Variants in BDH1 observed in about 807,000 individuals in gnomAD.
The protein encoded by BDH1 is D-beta-hydroxybutyrate dehydrogenase, mitochondrial.
Under a neutral mutation model 33.1 loss-of-function variants are expected in BDH1, and 30 were observed. That is an observed-to-expected ratio of 0.91 (90% CI 0.68 to 1.23). BDH1 has a LOEUF of 1.23. Ranked by LOEUF, BDH1 falls within the 50% of genes most tolerant of loss-of-function variation. BDH1 has a pLI of 0.00. For synonymous variants in BDH1, 190 were observed against 183.6 expected (o/e 1.03, Z -0.28); for missense variants, 443 against 464.4 (o/e 0.95, Z 0.42).
At chr3:197,539,727 C>T (rs930089234) in intron 3 of BDH1, among the ~76,000 whole-genome samples, 5 of 151,988 alleles carry the variant, frequency 3.3e-5, no homozygotes. Flanking sequence ...GACCCAGGAA[C>T]TGACTCAGCG....
chr3:197,545,224 G>A (rs941348268), intron 3 of BDH1, among the ~76,000 whole-genome samples: 4 of 152,158 alleles, frequency 2.6e-5, no homozygotes. Flanking sequence ...TGTGGCAGCA[G>A]AGCCCACTGA....
At chr3:197,515,430 A>G in intron 6 of BDH1, 6 of 985,796 alleles carry the variant, frequency 6.1e-6, no homozygotes, top group Non-Finnish European at 7.2e-6. Flanking sequence ...GTCTCCCTGC[A>G]GACGCGCCCT....
intron 3 of BDH1, chr3:197,546,155 GT>G (rs1716060834): frequency 1.9e-6 from 1 of 518,120 alleles, no homozygotes; most frequent in South Asian, 3.3e-5. Flanking sequence ...AAAATAAGTG[GT>G]TATGAAAGAT....
chr3:197,517,290 C>A (rs551821191), intron 6 of BDH1, among the ~76,000 whole-genome samples: 1,010 of 93,224 alleles, frequency 0.011, 23 homozygotes, highest in Non-Finnish European at 0.016. Context: ...TCCATCCCCC[C>A]CTCAGGCCGA....
At chr3:197,567,936 G>C (rs1370923114) in intron 1 of BDH1, among the ~76,000 whole-genome samples, 1 of 152,154 alleles carries the variant, frequency 6.6e-6, no homozygotes, top group Non-Finnish European at 1.5e-5. Flanking sequence ...AGAGGCCCCT[G>C]ACCTGAGAGA....
upstream of BDH1, among the ~76,000 whole-genome samples, chr3:197,560,328 A>T (rs1285464046): frequency 6.6e-6 from 1 of 152,250 alleles, no homozygotes; most frequent in East Asian, 1.9e-4. Context: ...TACTGGTCCA[A>T]GCAAGCATTA....
At chr3:197,546,139 GA>G (rs60963210) in intron 3 of BDH1, 92 of 461,322 alleles carry the variant, frequency 2.0e-4, no homozygotes, top group Admixed American at 6.8e-4. Flanking sequence ...CCATCAAAAA[GA>G]AAAAAAAATA....
Position 197,511,710 on chromosome 3 carries a change from T to C in BDH1, c.*185A>G. On this transcript the variant is annotated 3_prime_UTR_variant, in exon 8 of 8. Transcript: ENST00000392379. ...CTCTGCCTGCCACTCCACACCCTGT[T>C]TGTGAAGGCCCAAGTCACTCACTAT... 1.7e-6 allele frequency: 1 copy of C among 571,814 alleles called. No individual in the cohort carries two copies. The highest frequency in any genetic ancestry group is 1.9e-5 in the African/African-American group (1 of 53,192). The allele number at this position is 571,814 out of a possible 1,614,324, so 35.4% of individuals were successfully genotyped here.
chr3:197,517,042 T>G (rs1712808335), intron 6 of BDH1, among the ~76,000 whole-genome samples: 3 of 152,074 alleles, frequency 2.0e-5, no homozygotes, highest in South Asian at 4.1e-4. Context: ...CCCCAGGCTG[T>G]TGCTGGTTTC....
rs1345051148 is a variant in BDH1, at chr3:197,523,662, A to G, written c.268-881T>C. On this transcript the variant is annotated intron_variant, in intron 5 of 7. Coordinates refer to ENST00000392379, the MANE Select transcript of BDH1 (RefSeq NM_203314.3). This position sits in a 1 kb window ranked among gnomAD's most constrained non-coding sequence, Gnocchi z 4.5. ...GATCAATCATTCAGCCCCTGTTCCC[A>G]GAGTCGTGTTCTAGGGAAGGAGACA... 6.6e-6 allele frequency among the ~76,000 whole-genome samples: 1 copy of G among 152,150 alleles called. No homozygotes were observed. The highest frequency in any genetic ancestry group is 2.4e-5 in the African/African-American group (1 of 41,422).
rs770637426 is a variant in BDH1, at chr3:197,514,371, T to G, written c.455A>C (p.Glu152Ala). ...VNNAGISTFG[E>A]VEFTSLETYK... Reference sequence around the variant, plus strand: ...GGTCTCCAGGCTGGTGAACTCCACCTCCCCGAACGTTGAGATGCCGGCATT... The same window carrying G: ...GGTCTCCAGGCTGGTGAACTCCACCGCCCCGAACGTTGAGATGCCGGCATT... Residue 152 changes from glutamate (E) to alanine (A), a missense_variant, in exon 7 of 8, where the codon GAG becomes GCG. Glu to Ala is a moderately radical substitution (Grantham distance 107). Coordinates refer to ENST00000392379, the MANE Select transcript of BDH1 (RefSeq NM_203314.3). This position sits in a 1 kb window ranked among gnomAD's most constrained non-coding sequence, Gnocchi z 4.2. The G allele has an allele frequency of 3.5e-5, 56 of 1,612,474 alleles. No homozygotes were observed. Among genetic ancestry groups the G allele is most frequent in the Non-Finnish European group, 4.7e-5 (55 of 1,179,372 alleles).
rs188415870 is a variant in BDH1 at position 197,514,145 on chromosome 3, G to A, written c.562+119C>T. 3.7e-5 allele frequency: 50 copies of A among 1,333,936 alleles called. No individual in the cohort carries two copies. In the East Asian group the frequency reaches 9.1e-4, roughly 24 times the overall value. The allele number at this position is 1,333,936 out of a possible 1,614,324, so 82.6% of individuals were successfully genotyped here. A position where few individuals can be genotyped will look rare whatever the true frequency, so the allele number is the denominator to read the frequency against. ...GCCCAGCATAGTCCCTGGGATTCAC[G>A]AGCTCACCTCTGCTGAGTTGTGGAC... is the stretch of plus-strand genomic sequence containing the variant. On this transcript the variant is annotated intron_variant, in intron 7 of 7. Coordinates refer to ENST00000392379, the MANE Select transcript of BDH1 (RefSeq NM_203314.3). The surrounding 1 kb of genome is among the most constrained non-coding windows in gnomAD (Gnocchi z 4.2).
In BDH1 at chr3:197,546,194, A is replaced by C. The variant is rs544070736; in HGVS notation, c.83+167T>G. 6.4e-6 allele frequency: 4 copies of C among 622,964 alleles called. No homozygotes were observed. In the South Asian group the frequency reaches 9.1e-5, roughly 14 times the overall value. The allele number at this position is 622,964 out of a possible 1,614,324, so 38.6% of individuals were successfully genotyped here. ...TCCTTTCTGCCCTGTGTGCCCTGGG[A>C]AAATGTCTTCCCAGGACACCTCTGA... is the stretch of plus-strand genomic sequence containing the variant. On this transcript the variant is annotated intron_variant, in intron 3 of 7. Transcript: ENST00000392379.
chr3:197,528,554 T>A lies in BDH1; in HGVS notation c.267+3858A>T, dbSNP rs1438043844. On this transcript the variant is annotated intron_variant, in intron 5 of 7. Coordinates refer to ENST00000392379, the MANE Select transcript of BDH1 (RefSeq NM_203314.3). This position sits in a 1 kb window ranked among gnomAD's most constrained non-coding sequence, Gnocchi z 5.1. ...AATCGGGCTAGAAGCAAATTCCCCCTTTCAACCCCCACGGTGCCTTATCCA... is the reference window on the plus strand; with the variant it reads ...AATCGGGCTAGAAGCAAATTCCCCCATTCAACCCCCACGGTGCCTTATCCA... 2.0e-5 allele frequency: 3 copies of A among 152,238 alleles called. No individual in the cohort carries two copies. Among genetic ancestry groups the A allele is most frequent in the Non-Finnish European group, 4.4e-5 (3 of 68,060 alleles). The allele number at this position is 152,238 out of a possible 1,614,324, so 9.4% of individuals were successfully genotyped here.
chr3:197,533,616 C>G (rs1359070616), intron 3 of BDH1, 55 bp from the exon 4 acceptor site: 1 of 1,565,672 alleles, frequency 6.4e-7, no homozygotes, highest in Non-Finnish European at 8.8e-7. Context: ...GACCCTCAGC[C>G]ACACTGGCCT....
chr3:197,512,713 T>G lies in BDH1; in HGVS notation c.563-349A>C, dbSNP rs572489068. Among the ~76,000 whole-genome samples, 3 of 152,334 alleles carry G rather than the reference T, an allele frequency of 2.0e-5. No individual in the cohort carries two copies. In the South Asian group the frequency reaches 6.2e-4, roughly 32 times the overall value. On this transcript the variant is annotated intron_variant, in intron 7 of 7. Transcript: ENST00000392379. ...AGAAGTGGGAGGCGAGACAGCTGTC[T>G]GTGTGGATCTGAGCTTTCACTATAG...
Position 197,569,560 on chromosome 3 carries a change from A to G in BDH1, c.-44+3621T>C, listed in dbSNP as rs189660065. ...TGGGGGAAAATTGAATCATGAGGGT[A>G]GTTTCCCCCATACTTTTCTCGTGGT... On this transcript the variant is annotated intron_variant, in intron 1 of 6. Transcript: ENST00000358186. Among the ~76,000 whole-genome samples, 7 of 152,306 alleles carry G rather than the reference A, an allele frequency of 4.6e-5. No homozygotes were observed. In the East Asian group the frequency reaches 1.4e-3, roughly 29 times the overall value.
At chr3:197,557,200 G>A (rs1717090169), upstream of BDH1, among the ~76,000 whole-genome samples, 1 of 152,170 alleles carries the variant, frequency 6.6e-6, no homozygotes, top group Non-Finnish European at 1.5e-5. The surrounding 1 kb of genome is among the most constrained non-coding windows in gnomAD (Gnocchi z 4.6). Context: ...TCCCTAAAAT[G>A]TATAAAACCG....
chr3:197,556,087 G>A (rs1717014527), upstream of BDH1: 1 of 152,228 alleles, frequency 6.6e-6, no homozygotes, highest in Admixed American at 6.5e-5. Flanking sequence ...CGCCCAAGGT[G>A]CCCTGATCGC....
Sources: allele counts gnomAD v4.1 joint callset (sites outside exome capture counted in the v4.1 genomes callset), GRCh38; gene constraint gnomAD v4.1.1; non-coding constraint Gnocchi (gnomAD v3.1); transcripts MANE v1.5; gene names NCBI Gene and HGNC (gene_info 2026-07-23, HGNC 2026-07-21).